The following FNDC3B variants were observed in gnomAD, a reference collection of about 807,000 sequenced individuals.
FNDC3B encodes the protein fibronectin type III domain containing 3B, also known as fibronectin type III domain-containing protein 3B.
FNDC3B carries 12 observed loss-of-function variants against 151.5 expected under a neutral mutation model. The ratio of observed to expected loss-of-function variants is 0.08; its 90% CI spans 0.05 to 0.13. The LOEUF is 0.13. FNDC3B is among the 10% of genes least tolerant of loss of function. FNDC3B has a pLI of 1.00. For missense variants in FNDC3B, 1,214 were observed against 1,505.3 expected (o/e 0.81, Z 3.20); for synonymous variants, 528 against 549.0 (o/e 0.96, Z 0.54).
chr3:172,284,666 C>G (rs982169858), intron 6 of FNDC3B, among the ~76,000 whole-genome samples: 1 of 150,238 alleles, frequency 6.7e-6, no homozygotes, highest in African/African-American at 2.5e-5. Context: ...CCCTTCCCCT[C>G]CAAGTGCCTG....
chr3:172,041,782 G>C (rs996121009), intron 1 of FNDC3B, among the ~76,000 whole-genome samples: 15 of 152,146 alleles, frequency 9.9e-5, no homozygotes, highest in African/African-American at 3.6e-4. Context: ...TGTGCCTTTT[G>C]TGGGGGCCCT....
chr3:172,173,061 T>C (rs1293899144), intron 3 of FNDC3B, among the ~76,000 whole-genome samples: 1 of 152,308 alleles, frequency 6.6e-6, no homozygotes, highest in African/African-American at 2.4e-5. Context: ...TATAGAAAAC[T>C]GTTTTTCTCA....
intron 6 of FNDC3B, among the ~76,000 whole-genome samples, chr3:172,260,506 C>G (rs187789465): frequency 6.6e-6 from 1 of 152,338 alleles, no homozygotes; most frequent in Admixed American, 6.5e-5. Flanking sequence ...ATTTCAGACA[C>G]TAAGTGCTTT....
Position 172,174,944 on chromosome 3 carries a change from C to T in FNDC3B, c.187+41398C>T, listed in dbSNP as rs6790125. Among the ~76,000 whole-genome samples the T allele has an allele frequency of 5.9e-5, 3 of 50,654 alleles. 1 individual carries two copies. The highest frequency in any genetic ancestry group is 1.5e-4 in the Non-Finnish European group (3 of 19,740). 33.2% of individuals were successfully genotyped at this position (50,654 alleles called of 152,430 possible). On this transcript the variant is annotated intron_variant, in intron 3 of 25. Coordinates refer to ENST00000415807, the MANE Select transcript of FNDC3B (RefSeq NM_022763.4). ...ACCTTCCCCCCGCCACCCCCCCCCC[C>T]CCAATACAATTTGCTGTCCATCCGG... is the stretch of plus-strand genomic sequence containing the variant.
At chr3:172,358,359 A>G (rs1484165072) in intron 22 of FNDC3B, among the ~76,000 whole-genome samples, 2 of 152,112 alleles carry the variant, frequency 1.3e-5, no homozygotes, top group African/African-American at 4.8e-5. Flanking sequence ...AGTAGTTCCC[A>G]CTCTGTAGTG....
chr3:172,221,705 G>A (rs1364073070), intron 3 of FNDC3B, among the ~76,000 whole-genome samples: 5 of 151,952 alleles, frequency 3.3e-5, no homozygotes, highest in Admixed American at 3.3e-4. Context: ...AAAAAAGAAT[G>A]TCAAGGCTAA....
At chr3:172,317,554 T>C (rs1731870280) in intron 11 of FNDC3B, among the ~76,000 whole-genome samples, 4 of 152,192 alleles carry the variant, frequency 2.6e-5, no homozygotes, top group Admixed American at 2.6e-4. Flanking sequence ...TTACTCATGG[T>C]ATACCCCAAG....
intron 1 of FNDC3B, among the ~76,000 whole-genome samples, chr3:172,066,963 C>T (rs1717530888): frequency 6.6e-6 from 1 of 152,160 alleles, no homozygotes; most frequent in Non-Finnish European, 1.5e-5. Context: ...CTTTTTGAGA[C>T]ATACACAATA....
chr3:172,327,807 G>A (rs1390598433), intron 11 of FNDC3B, among the ~76,000 whole-genome samples: 1 of 152,196 alleles, frequency 6.6e-6, no homozygotes, highest in African/African-American at 2.4e-5. Flanking sequence ...AGTGGTATTT[G>A]GAGACCTGCT....
chr3:172,098,551 A>C (rs1003336904), intron 1 of FNDC3B, among the ~76,000 whole-genome samples: 2 of 152,250 alleles, frequency 1.3e-5, no homozygotes, highest in Admixed American at 6.5e-5. Flanking sequence ...AAAATTGCAC[A>C]TTCAATGTTA....
At chr3:172,315,103 G>A (rs562505030) in intron 11 of FNDC3B, among the ~76,000 whole-genome samples, 10 of 152,306 alleles carry the variant, frequency 6.6e-5, no homozygotes, top group South Asian at 2.1e-4. Flanking sequence ...ACAGCCGGGC[G>A]CGGTGGCTCA....
intron 22 of FNDC3B, among the ~76,000 whole-genome samples, chr3:172,358,687 T>G (rs1734214855): frequency 6.6e-6 from 1 of 152,220 alleles, no homozygotes; most frequent in Admixed American, 6.5e-5. Context: ...ACTTGAAAAT[T>G]TGCTAGTGCT....
chr3:172,267,509 CAA>C (rs1241356886), intron 6 of FNDC3B, among the ~76,000 whole-genome samples: 2 of 152,152 alleles, frequency 1.3e-5, no homozygotes, highest in Non-Finnish European at 2.9e-5. Flanking sequence ...AATGCTATAA[CAA>C]CTGTGCTGGA....
chr3:172,124,191 A>G (rs568022819), intron 2 of FNDC3B, among the ~76,000 whole-genome samples: 2 of 152,110 alleles, frequency 1.3e-5, no homozygotes, highest in Non-Finnish European at 2.9e-5. Flanking sequence ...CCCTGGTTCA[A>G]GCAATTCTCC....
intron 3 of FNDC3B, among the ~76,000 whole-genome samples, chr3:172,164,075 G>A (rs1722902138): frequency 6.6e-6 from 1 of 152,260 alleles, no homozygotes; most frequent in Non-Finnish European, 1.5e-5. Context: ...TGGACATTGG[G>A]CTACCTGAAA....
chr3:172,114,396 C>G (rs2108543444), intron 2 of FNDC3B, among the ~76,000 whole-genome samples: 1 of 152,280 alleles, frequency 6.6e-6, no homozygotes, highest in South Asian at 2.1e-4. Flanking sequence ...ATGTGGTCAC[C>G]TCATTCCCAT....
chr3:172,244,502 T>C (rs993054316), intron 4 of FNDC3B, among the ~76,000 whole-genome samples: 2 of 152,058 alleles, frequency 1.3e-5, no homozygotes, highest in African/African-American at 4.8e-5. Context: ...TTTCCTTAGA[T>C]GTAGATCAAA....
In FNDC3B at chr3:172,240,304, G is replaced by C. The variant is rs143706839; in HGVS notation, c.265-7229G>C. Among the ~76,000 whole-genome samples the C allele has an allele frequency of 5.7e-4, 87 of 152,250 alleles. 2 individuals carry two copies. The highest frequency in any genetic ancestry group is 1.4e-3 in the Admixed American group (22 of 15,296). ...AACTGTAACTGTATGTGCCTCACAG[G>C]ATTGTTGGCAGGATTTAGTGGAGTG... On this transcript the variant is annotated intron_variant, in intron 4 of 25. Transcript: ENST00000415807.
chr3:172,271,727 G>A (rs1050014721), intron 6 of FNDC3B, among the ~76,000 whole-genome samples: 16 of 152,182 alleles, frequency 1.1e-4, no homozygotes, highest in African/African-American at 2.9e-4. Context: ...TCAGAAAGCC[G>A]TGCAGACGTG....
Sources: allele counts gnomAD v4.1 joint callset (sites outside exome capture counted in the v4.1 genomes callset), GRCh38; gene constraint gnomAD v4.1.1; transcripts MANE v1.5; gene names NCBI Gene and HGNC (gene_info 2026-07-23, HGNC 2026-07-21).